Variants in RGS6 observed in about 807,000 individuals in gnomAD.
RGS6 encodes regulator of G-protein signaling 6.
In RGS6, 30 loss-of-function variants were observed where a neutral mutation model predicts 78.5. That is an observed-to-expected ratio of 0.38 (90% CI 0.29 to 0.52). The LOEUF is 0.52. RGS6 is among the 20% of genes least tolerant of loss of function. RGS6 has a pLI of 0.85. For synonymous variants in RGS6, 206 were observed against 206.0 expected, an observed-to-expected ratio of 1.00 and a Z score of 0.00; for missense variants, 495 against 609.7, an observed-to-expected ratio of 0.81 and a Z score of 1.98.
intron 3 of RGS6, among the ~76,000 whole-genome samples, chr14:72,376,056 A>G (rs1347641194): frequency 6.6e-6 from 1 of 152,246 alleles, no homozygotes; most frequent in Admixed American, 6.5e-5. Flanking sequence ...AAAAGAATTC[A>G]AAATAATAAT....
intron 2 of RGS6, among the ~76,000 whole-genome samples, chr14:72,338,967 AC>A (rs2076511247): frequency 6.6e-6 from 1 of 152,268 alleles, no homozygotes. Flanking sequence ...TAGAAATAGG[AC>A]TAGCTTTAAA....
At chr14:72,609,579 G>A in the RGS6 span, among the ~76,000 whole-genome samples, 271 of 152,266 alleles carry the variant, frequency 1.8e-3, 1 homozygote, top group Non-Finnish European at 3.1e-3. Flanking sequence ...AGCACTTCAC[G>A]TTAGGAACCA....
chr14:72,334,307 G>A (rs934395476), intron 2 of RGS6, among the ~76,000 whole-genome samples: 2 of 152,240 alleles, frequency 1.3e-5, no homozygotes, highest in Admixed American at 1.3e-4. Context: ...GCCAAGCACA[G>A]CCCCTCCTAG....
intron 2 of RGS6, among the ~76,000 whole-genome samples, chr14:72,120,623 A>G (rs767828092): frequency 6.6e-6 from 1 of 152,258 alleles, no homozygotes. Context: ...ACAGTGGAAT[A>G]GTTCTCAGAT....
At chr14:72,322,222 A>G (rs2072282583) in intron 2 of RGS6, among the ~76,000 whole-genome samples, 1 of 152,066 alleles carries the variant, frequency 6.6e-6, no homozygotes. Context: ...TAATAAAAGC[A>G]GAAAATAGGA....
intron 2 of RGS6, among the ~76,000 whole-genome samples, chr14:72,243,911 A>G (rs1287765516): frequency 6.6e-6 from 1 of 152,212 alleles, no homozygotes; most frequent in African/African-American, 2.4e-5. Flanking sequence ...GAGATCATGG[A>G]CCAGAAATGT....
chr14:72,572,395 A>C, the RGS6 span, among the ~76,000 whole-genome samples: 2 of 152,246 alleles, frequency 1.3e-5, no homozygotes, highest in Non-Finnish European at 2.9e-5. Context: ...AAACAATTCA[A>C]ATGTCTGTCA....
chr14:72,047,892 A>ATTTTTTTTTTTTTT (rs1470612017), intron 2 of RGS6, among the ~76,000 whole-genome samples: 1 of 83,448 alleles, frequency 1.2e-5, no homozygotes. Flanking sequence ...TGCCCAGCTA[A>ATTTTTTTTTTTTTT]TTTTTGTTTT....
chr14:72,155,995 A>C (rs951629577), intron 2 of RGS6, among the ~76,000 whole-genome samples: 1 of 152,232 alleles, frequency 6.6e-6, no homozygotes, highest in Admixed American at 6.5e-5. Flanking sequence ...CTTTTAAAAA[A>C]TACTGACACT....
At chr14:72,470,923 T>C (rs1336290701) in intron 8 of RGS6, among the ~76,000 whole-genome samples, 2 of 148,952 alleles carry the variant, frequency 1.3e-5, no homozygotes, top group Non-Finnish European at 3.0e-5. Flanking sequence ...TGACACTGGA[T>C]ATGTGGCCCC....
At chr14:72,501,720 G>T (rs897545173) in intron 13 of RGS6, among the ~76,000 whole-genome samples, 1 of 152,144 alleles carries the variant, frequency 6.6e-6, no homozygotes, top group Non-Finnish European at 1.5e-5. Flanking sequence ...AATGAAACCT[G>T]GTGTTGTCAG....
chr14:72,068,602 A>G (rs1470843708), intron 2 of RGS6, among the ~76,000 whole-genome samples: 3 of 148,404 alleles, frequency 2.0e-5, no homozygotes, highest in Non-Finnish European at 4.5e-5. Flanking sequence ...GGTTCAAGCA[A>G]TTCTCTGCCT....
intron 2 of RGS6, among the ~76,000 whole-genome samples, chr14:72,332,630 G>A (rs1264466914): frequency 6.6e-6 from 1 of 152,138 alleles, no homozygotes; most frequent in East Asian, 1.9e-4. Context: ...ACGGAAAGGA[G>A]CCATACCTTC....
chr14:72,400,933 G>GGCCAA (rs10682307), intron 3 of RGS6, among the ~76,000 whole-genome samples: 28,075 of 151,924 alleles, frequency 0.18, 3,500 homozygotes, highest in East Asian at 0.4. Context: ...GGCCAGGCCA[G>GGCCAA]GCCAAGCCTT....
chr14:72,604,803 G>A, the RGS6 span, among the ~76,000 whole-genome samples: 1 of 152,154 alleles, frequency 6.6e-6, no homozygotes, highest in South Asian at 2.1e-4. Flanking sequence ...GGCGGGGATG[G>A]CATTATTTTC....
chr14:71,913,323 C>T, the RGS6 span, among the ~76,000 whole-genome samples: 1 of 152,236 alleles, frequency 6.6e-6, no homozygotes, highest in Non-Finnish European at 1.5e-5. Context: ...GGCATATGTA[C>T]TAGCTTCTCC....
chr14:72,433,638 C>A (rs1349727011), intron 3 of RGS6, among the ~76,000 whole-genome samples: 1 of 152,142 alleles, frequency 6.6e-6, no homozygotes, highest in Admixed American at 6.5e-5. Context: ...TCTTCTGTAG[C>A]TTTCAAATTC....
intron 1 of RGS6, among the ~76,000 whole-genome samples, chr14:71,963,810 G>A (rs2093353844): frequency 6.6e-6 from 1 of 152,156 alleles, no homozygotes; most frequent in African/African-American, 2.4e-5. Flanking sequence ...ATTGTGAATA[G>A]TGCTGCTATG....
At chr14:72,602,619 G>A in the RGS6 span, among the ~76,000 whole-genome samples, 2 of 152,180 alleles carry the variant, frequency 1.3e-5, no homozygotes, top group Non-Finnish European at 2.9e-5. Context: ...TTTGGCAAAC[G>A]GATCACCGAA....
Sources: allele counts gnomAD v4.1 joint callset (sites outside exome capture counted in the v4.1 genomes callset), GRCh38; gene constraint gnomAD v4.1.1; transcripts MANE v1.5; gene names NCBI Gene and HGNC (gene_info 2026-07-23, HGNC 2026-07-21).